The following RPS6KA5 variants were observed in gnomAD, a reference collection of about 807,000 sequenced individuals.
RPS6KA5 encodes the protein ribosomal protein S6 kinase alpha-5.
In RPS6KA5, 27 loss-of-function variants were observed where a neutral mutation model predicts 85.5. That is an observed-to-expected ratio of 0.32 (90% CI 0.23 to 0.44). RPS6KA5 has a LOEUF of 0.44. Among genes scored for constraint, RPS6KA5 ranks in the 20% least tolerant of loss-of-function variants. RPS6KA5 has a pLI of 1.00. For missense variants in RPS6KA5, 811 were observed against 980.9 expected (o/e 0.83, Z 2.31); for synonymous variants, 334 against 348.2 (o/e 0.96, Z 0.46).
intron 5 of RPS6KA5, among the ~76,000 whole-genome samples, chr14:90,923,428 TCATCCATC>T (rs3832953): frequency 4.2e-4 from 64 of 150,936 alleles, no homozygotes; most frequent in African/African-American, 1.4e-3. Flanking sequence ...AATGGTACCA[TCATCCATC>T]CATCCATCCA....
At chr14:90,950,428 G>A (rs904192939) in intron 3 of RPS6KA5, among the ~76,000 whole-genome samples, 4 of 152,106 alleles carry the variant, frequency 2.6e-5, no homozygotes, top group Non-Finnish European at 5.9e-5. Flanking sequence ...TGCCTACAAT[G>A]TTGAATAAAG....
At chr14:90,907,720 A>G (rs1028036038) in intron 7 of RPS6KA5, among the ~76,000 whole-genome samples, 3 of 152,202 alleles carry the variant, frequency 2.0e-5, no homozygotes, top group Admixed American at 6.5e-5. Context: ...GAAAGAAATA[A>G]GCAACACCCT....
At chr14:90,965,004 A>G (rs1566801613) in intron 3 of RPS6KA5, among the ~76,000 whole-genome samples, 1 of 151,992 alleles carries the variant, frequency 6.6e-6, no homozygotes, top group Non-Finnish European at 1.5e-5. Flanking sequence ...CATACATATT[A>G]AATTTTGATA....
intron 7 of RPS6KA5, among the ~76,000 whole-genome samples, chr14:90,916,526 C>T (rs538009336): frequency 1.3e-5 from 2 of 151,920 alleles, no homozygotes; most frequent in South Asian, 2.1e-4. Context: ...TGATAAAAAG[C>T]CTGAGCTAAT....
chr14:90,978,645 G>C, intron 2 of RPS6KA5, 121 bp from the exon 3 acceptor site: 1 of 673,900 alleles, frequency 1.5e-6, no homozygotes, highest in Non-Finnish European at 2.4e-6. Flanking sequence ...AAGTACCCTT[G>C]GTACCAGTTC....
At chr14:90,977,726 T>C (rs183401492) in intron 3 of RPS6KA5, among the ~76,000 whole-genome samples, 39 of 152,122 alleles carry the variant, frequency 2.6e-4, no homozygotes, top group Admixed American at 4.6e-4. Flanking sequence ...CTCAGGGAGG[T>C]AGATACCCCT....
intron 1 of RPS6KA5, 149 bp downstream of exon 1, chr14:91,060,183 G>C (rs1288349619): frequency 1.0e-6 from 1 of 967,252 alleles, no homozygotes; most frequent in Non-Finnish European, 1.2e-6. Flanking sequence ...GACCCCCGGG[G>C]CACGCGCCCC....
intron 14 of RPS6KA5, among the ~76,000 whole-genome samples, chr14:90,885,254 A>G (rs1373448731): frequency 7.1e-6 from 1 of 140,656 alleles, no homozygotes; most frequent in East Asian, 2.0e-4. Flanking sequence ...TCTTGTCTCA[A>G]AAAAAAAAAA....
chr14:91,056,108 C>T lies in RPS6KA5; in HGVS notation c.103+4224G>A, dbSNP rs1354097841. Among the ~76,000 whole-genome samples, 7 of 152,314 alleles carry T rather than the reference C, an allele frequency of 4.6e-5. No individual in the cohort carries two copies. In the South Asian group the frequency reaches 6.2e-4, roughly 14 times the overall value. ...AGCTAAGCCACTCCTAAATTCCTGA[C>T]CCACACAAATCATGTTGTTTAAGCC... On this transcript the variant is annotated intron_variant, in intron 1 of 16. Transcript: ENST00000614987.
At position 90,851,050 on chromosome 14, in the gene RPS6KA5, T is replaced by A; in HGVS notation, c.*21024A>T. On this transcript the variant is annotated 3_prime_UTR_variant, in exon 17 of 17. Transcript: ENST00000614987. ...GGTAAAGATACTTTTATTTTATTTT[T>A]TTTTTGAGACAGAGTCTCACTCTGC... The A allele has an allele frequency of 6.6e-6, 1 of 152,186 alleles. No individual in the cohort carries two copies. Among genetic ancestry groups the A allele is most frequent in the South Asian group, 2.1e-4 (1 of 4,828 alleles). The allele number at this position is 152,186 out of a possible 1,614,324, so 9.4% of individuals were successfully genotyped here.
At chr14:91,005,276 C>T (rs1325042247) in intron 1 of RPS6KA5, among the ~76,000 whole-genome samples, 1 of 152,176 alleles carries the variant, frequency 6.6e-6, no homozygotes, top group African/African-American at 2.4e-5. Context: ...CTGTACTTAG[C>T]CTTTACTTTA....
intron 3 of RPS6KA5, among the ~76,000 whole-genome samples, chr14:90,957,020 C>T (rs182228735): frequency 2.4e-4 from 35 of 148,000 alleles, no homozygotes; most frequent in South Asian, 6.4e-4. Flanking sequence ...GATTCCAACC[C>T]CCTACTTCCA....
At chr14:90,926,825 G>T (rs868670689) in intron 5 of RPS6KA5, among the ~76,000 whole-genome samples, 2 of 151,854 alleles carry the variant, frequency 1.3e-5, no homozygotes, top group African/African-American at 4.8e-5. Context: ...TTGCTAAAAA[G>T]AAATCTAACG....
intron 1 of RPS6KA5, among the ~76,000 whole-genome samples, chr14:91,025,885 C>T (rs75555170): frequency 0.023 from 3,463 of 151,038 alleles, 97 homozygotes; most frequent in African/African-American, 0.066. Context: ...TGTGTGGGTT[C>T]GTTATGAGTT....
intron 1 of RPS6KA5, chr14:91,060,094 A>C: frequency 1.0e-6 from 1 of 985,340 alleles, no homozygotes; most frequent in Non-Finnish European, 1.2e-6. Flanking sequence ...GCTGGCCCCG[A>C]TGCCTGGTGC....
intron 1 of RPS6KA5, among the ~76,000 whole-genome samples, chr14:91,057,764 AACATTTCCTAAGGGCC>A (rs1489010256): frequency 6.6e-6 from 1 of 152,242 alleles, no homozygotes; most frequent in African/African-American, 2.4e-5. Flanking sequence ...ACATTCAACC[AACATTTCCTAAGGGCC>A]CACTATATGC....
At position 90,872,221 on chromosome 14, in the gene RPS6KA5, C is replaced by CTCGGTA. The variant is rs775724285; in HGVS notation, c.2256_2261dup (p.Thr753_Glu754insAspThr). The CTCGGTA allele has an allele frequency of 6.2e-7, 1 of 1,613,994 alleles. No individual in the cohort carries two copies. The highest frequency in any genetic ancestry group is 1.7e-5 in the Admixed American group (1 of 59,988). On this transcript the variant is annotated inframe_insertion, in exon 17 of 17. Transcript: ENST00000614987. ...AACTCTCACTGGAACTGCTGCGCGT[C>CTCGGTA]TCGGTACTGGTGCTAGTCTTTTTCA...
intron 2 of RPS6KA5, among the ~76,000 whole-genome samples, chr14:90,987,275 G>T (rs1032559889): frequency 1.3e-5 from 2 of 152,190 alleles, no homozygotes; most frequent in East Asian, 3.9e-4. Context: ...ACACTTAAAA[G>T]AATAAAATGA....
intron 6 of RPS6KA5, among the ~76,000 whole-genome samples, chr14:90,920,787 T>A (rs998741946): frequency 1.4e-4 from 21 of 151,982 alleles, no homozygotes; most frequent in Admixed American, 4.6e-4. Context: ...TCTTCACTGA[T>A]GGGAAGATCT....
Sources: allele counts gnomAD v4.1 joint callset (sites outside exome capture counted in the v4.1 genomes callset), GRCh38; gene constraint gnomAD v4.1.1; transcripts MANE v1.5; gene names NCBI Gene and HGNC (gene_info 2026-07-23, HGNC 2026-07-21).